RPS6KB1: variants seen among roughly 807,000 people sequenced by gnomAD.
RPS6KB1 encodes ribosomal protein S6 kinase B1, also known as ribosomal protein S6 kinase beta-1.
RPS6KB1 carries 12 observed loss-of-function variants against 70.2 expected under a neutral mutation model. That is an observed-to-expected ratio of 0.17 (90% CI 0.11 to 0.28). The LOEUF is 0.28. RPS6KB1 is among the 10% of genes least tolerant of loss of function. The pLI is 1.00. For synonymous variants in RPS6KB1, 175 were observed against 211.2 expected (o/e 0.83, Z 1.49); for missense variants, 270 against 646.6 (o/e 0.42, Z 6.32).
At chr17:59,906,333 T>C (rs1004938250) in intron 1 of RPS6KB1, among the ~76,000 whole-genome samples, 1 of 152,058 alleles carries the variant, frequency 6.6e-6, no homozygotes, top group Non-Finnish European at 1.5e-5. Context: ...ATTGTATCAG[T>C]TATTTTGGGT....
At chr17:59,924,664 G>A (rs2043489195) in intron 4 of RPS6KB1, among the ~76,000 whole-genome samples, 1 of 151,524 alleles carries the variant, frequency 6.6e-6, no homozygotes, top group Non-Finnish European at 1.5e-5. Context: ...TATCTTAGTT[G>A]TCTTCATTTT....
At chr17:59,928,089 C>T (rs762789992) in intron 5 of RPS6KB1, among the ~76,000 whole-genome samples, 8 of 151,798 alleles carry the variant, frequency 5.3e-5, no homozygotes, top group East Asian at 4.0e-4. Flanking sequence ...ACCTGGGAGA[C>T]GGAGGTTGTG....
At chr17:59,930,811 C>T (rs548892193) in intron 6 of RPS6KB1, 3 of 152,290 alleles carry the variant, frequency 2.0e-5, no homozygotes, top group South Asian at 2.1e-4. Context: ...CCTTTTCTAA[C>T]AAAGAAGCTG....
At chr17:59,935,154 T>C (rs758060402) in intron 9 of RPS6KB1, 39 bp from the exon 10 acceptor site, 3 of 1,268,650 alleles carry the variant, frequency 2.4e-6, no homozygotes, top group Non-Finnish European at 3.4e-6. Flanking sequence ...AATATTTTTC[T>C]CTCCCTGCTA....
chr17:59,930,461 G>A, intron 6 of RPS6KB1: 2 of 328,324 alleles, frequency 6.1e-6, no homozygotes, highest in Admixed American at 4.6e-5. Context: ...CTGTGGGTGA[G>A]TGTGGTTTCC....
At chr17:59,944,120 T>A (rs2044784248) in intron 13 of RPS6KB1, among the ~76,000 whole-genome samples, 2 of 152,046 alleles carry the variant, frequency 1.3e-5, no homozygotes, top group South Asian at 4.1e-4. Context: ...TTTGTAAAAT[T>A]ATTCTCTGAA....
In RPS6KB1 at chr17:59,893,258, C is replaced by T. The variant is rs1226172830; in HGVS notation, c.74C>T (p.Ala25Val). 2 of 1,612,614 alleles carry T rather than the reference C, an allele frequency of 1.2e-6. No individual in the cohort carries two copies. The highest frequency in any genetic ancestry group is 1.7e-5 in the Admixed American group (1 of 59,804). Reference sequence around the variant, plus strand: ...CGAGACAGGGAAGCTGAGGACATGGCAGGAGTGTTTGACATAGACCTGGAC... The same window carrying T: ...CGAGACAGGGAAGCTGAGGACATGGTAGGAGTGTTTGACATAGACCTGGAC... ...DFRDREAEDM[A>V]GVFDIDLDQP... Residue 25 changes from alanine (A) to valine (V), a missense_variant, in exon 1 of 15, where the codon GCA (alanine) becomes GTA (valine). Around this residue, in one of 4 missense-constraint regions of RPS6KB1, gnomAD observed 72 missense variants for 93.4 expected, o/e 0.77. Coordinates refer to ENST00000225577, the MANE Select transcript of RPS6KB1 (RefSeq NM_003161.4). The surrounding 1 kb of genome is among the most constrained non-coding windows in gnomAD (Gnocchi z 4.1).
chr17:59,921,461 C>G (rs1394529429), intron 4 of RPS6KB1, among the ~76,000 whole-genome samples: 1 of 152,134 alleles, frequency 6.6e-6, no homozygotes, highest in Non-Finnish European at 1.5e-5. Flanking sequence ...CTTTGAGTTC[C>G]TTCCTTCTGA....
At chr17:59,916,653 C>T (rs1197171810) in intron 4 of RPS6KB1, among the ~76,000 whole-genome samples, 1 of 152,200 alleles carries the variant, frequency 6.6e-6, no homozygotes, top group African/African-American at 2.4e-5. Context: ...GGAGTGGTAG[C>T]TCTTTAGTCA....
At chr17:59,899,370 G>GTTA (rs942247443) in intron 1 of RPS6KB1, among the ~76,000 whole-genome samples, 1 of 152,092 alleles carries the variant, frequency 6.6e-6, no homozygotes, top group Non-Finnish European at 1.5e-5. Context: ...AACGGTAGAA[G>GTTA]TTATTAGCAC....
At position 59,912,919 on chromosome 17, in the gene RPS6KB1, A is replaced by G. The variant is rs1041576597; in HGVS notation, c.312+115A>G. On this transcript the variant is annotated intron_variant, in intron 3 of 14. Transcript: ENST00000225577. ...TCAGCTATCAGCAAAGGATGTGATCATGACCACTTAGCTGGTATGTTTGAG... is the reference window on the plus strand; with the variant it reads ...TCAGCTATCAGCAAAGGATGTGATCGTGACCACTTAGCTGGTATGTTTGAG... 1.4e-5 allele frequency: 16 copies of G among 1,111,338 alleles called. No homozygotes were observed. The Admixed American group carries it at 2.5e-4, about 17-fold the overall frequency. 68.8% of individuals were successfully genotyped at this position (1,111,338 alleles called of 1,614,324 possible).
chr17:59,913,518 A>G (rs774784406), intron 3 of RPS6KB1, among the ~76,000 whole-genome samples: 6 of 152,126 alleles, frequency 3.9e-5, no homozygotes, highest in Non-Finnish European at 5.9e-5. Flanking sequence ...TGAATCTCAC[A>G]TGTTTTAGGT....
Position 59,893,871 on chromosome 17 carries a change from A to C in RPS6KB1, c.141+546A>C, listed in dbSNP as rs2041317194. The C allele has an allele frequency of 1.0e-6, 1 of 984,882 alleles. No homozygotes were observed. Among genetic ancestry groups the C allele is most frequent in the Non-Finnish European group, 1.2e-6 (1 of 829,974 alleles). The allele number at this position is 984,882 out of a possible 1,614,324, so 61.0% of individuals were successfully genotyped here. ...CACTGCCGCTGCTGTTACAGCCACCAGGAGTTTTATTTCGGGAGCAAGGGG... is the reference window on the plus strand; with the variant it reads ...CACTGCCGCTGCTGTTACAGCCACCCGGAGTTTTATTTCGGGAGCAAGGGG... On this transcript the variant is annotated intron_variant, in intron 1 of 14. Transcript: ENST00000225577. The surrounding 1 kb of genome is among the most constrained non-coding windows in gnomAD (Gnocchi z 4.1).
At chr17:59,916,068 T>G (rs1447691463) in intron 4 of RPS6KB1, among the ~76,000 whole-genome samples, 1 of 147,712 alleles carries the variant, frequency 6.8e-6, no homozygotes, top group Non-Finnish European at 1.5e-5. Context: ...TGAGCCACCA[T>G]GCCCAGCCAA....
chr17:59,919,614 T>C (rs1437143213), intron 4 of RPS6KB1, among the ~76,000 whole-genome samples: 1 of 152,104 alleles, frequency 6.6e-6, no homozygotes, highest in African/African-American at 2.4e-5. Flanking sequence ...GGACTTTCAC[T>C]AAACTCGAGT....
In RPS6KB1 at chr17:59,932,121, T is replaced by TTGGCTGGGCACAG. The variant is rs1221972384; in HGVS notation, c.688+406_688+418dup. Among the ~76,000 whole-genome samples the TTGGCTGGGCACAG allele has an allele frequency of 2.0e-5, 3 of 152,224 alleles. No individual in the cohort carries two copies. The East Asian group carries it at 5.8e-4, about 29-fold the overall frequency. ...TTTTAATAATGAAAATATGTAAATA[T>TTGGCTGGGCACAG]TGGCTGGGCACAGTGGCTGACACCT... is the stretch of plus-strand genomic sequence containing the variant. On this transcript the variant is annotated intron_variant, in intron 7 of 14. Transcript: ENST00000225577.
rs192954840 is a variant in RPS6KB1, at chr17:59,918,121, C to T, written c.381+3418C>T. Reference sequence around the variant, plus strand: ...GCTAATTTTGTATTTTTAGAAGAGACAGGGTTCCTCCATGTTGGTCAGGCT... The same window carrying T: ...GCTAATTTTGTATTTTTAGAAGAGATAGGGTTCCTCCATGTTGGTCAGGCT... On this transcript the variant is annotated intron_variant, in intron 4 of 14. Transcript: ENST00000225577. Among the ~76,000 whole-genome samples the T allele has an allele frequency of 2.2e-3, 336 of 152,034 alleles. 4 individuals carry two copies. The highest frequency in any genetic ancestry group is 7.8e-3 in the African/African-American group (325 of 41,502).
intron 1 of RPS6KB1, 132 bp from the exon 2 acceptor site, chr17:59,910,430 T>C: frequency 1.7e-6 from 1 of 582,552 alleles, no homozygotes; most frequent in Non-Finnish European, 3.0e-6. Context: ...CATATTTGCC[T>C]GTTGTTGAAG....
intron 1 of RPS6KB1, among the ~76,000 whole-genome samples, chr17:59,897,339 C>T (rs1202691345): frequency 2.0e-5 from 3 of 152,164 alleles, no homozygotes; most frequent in Admixed American, 6.5e-5. Flanking sequence ...AATATCCTGG[C>T]GTATTAAGCA....
Sources: allele counts gnomAD v4.1 joint callset (sites outside exome capture counted in the v4.1 genomes callset), GRCh38; gene constraint gnomAD v4.1.1; regional missense constraint gnomAD v4.1.1; non-coding constraint Gnocchi (gnomAD v3.1); transcripts MANE v1.5; gene names NCBI Gene and HGNC (gene_info 2026-07-23, HGNC 2026-07-21).